Variants in B3GNT2 observed in about 807,000 individuals in gnomAD.
The protein encoded by B3GNT2 is UDP-GlcNAc:betaGal beta-1,3-N-acetylglucosaminyltransferase 2, also known as N-acetyllactosaminide beta-1,3-N-acetylglucosaminyltransferase 2.
B3GNT2 carries 12 observed loss-of-function variants against 27.6 expected under a neutral mutation model. The ratio of observed to expected loss-of-function variants is 0.44; its 90% confidence interval spans 0.28 to 0.71. The LOEUF is 0.71. Ranked by LOEUF, B3GNT2 falls within the 30% of genes least tolerant of loss-of-function variation. The probability of loss-of-function intolerance (pLI) is 0.17; values close to 1 mark genes in which losing one functional copy is unlikely to be tolerated. For missense variants in B3GNT2, 413 were observed against 488.5 expected (o/e 0.85, Z 1.46); for synonymous variants, 192 against 189.7 (o/e 1.01, Z -0.10).
At chr2:62,220,236 G>A (rs1238551548) in intron 1 of B3GNT2, among the ~76,000 whole-genome samples, 2 of 152,220 alleles carry the variant, frequency 1.3e-5, no homozygotes, top group African/African-American at 4.8e-5. Context: ...GGTTAGCTTG[G>A]CCTATGCCCA....
chr2:62,214,087 C>T (rs1201506584), intron 1 of B3GNT2, among the ~76,000 whole-genome samples: 1 of 152,156 alleles, frequency 6.6e-6, no homozygotes, highest in Non-Finnish European at 1.5e-5. Context: ...GGCAGGAAAT[C>T]TCTAAGAGAA....
intron 1 of B3GNT2, among the ~76,000 whole-genome samples, chr2:62,215,146 A>G (rs768141612): frequency 2.0e-5 from 3 of 152,220 alleles, no homozygotes; most frequent in Non-Finnish European, 4.4e-5. Context: ...GCTTTGATCT[A>G]TAATGTTGCC....
At position 62,222,789 on chromosome 2, in the gene B3GNT2, A is replaced by G. The variant is rs1413640779; in HGVS notation, c.569A>G (p.Asn190Ser). 2 of 1,614,192 alleles carry G rather than the reference A, an allele frequency of 1.2e-6. No homozygotes were observed. Among genetic ancestry groups the G allele is most frequent in the Admixed American group, 3.3e-5 (2 of 60,022 alleles). Residue 190 changes from asparagine (N) to serine (S), a missense_variant, in exon 2 of 2, where the codon AAC becomes AGC. Asn to Ser is a conservative substitution (Grantham distance 46, BLOSUM62 1). Coordinates refer to ENST00000301998, the MANE Select transcript of B3GNT2 (RefSeq NM_006577.6). This position sits in a 1 kb window ranked among gnomAD's most constrained non-coding sequence, Gnocchi z 4.2. Reference protein sequence around the residue: ...FLLGQTPPEDNHPDLSDMLKF... With the variant: ...FLLGQTPPEDSHPDLSDMLKF... ...CTGGGCCAGACACCCCCAGAGGACA[A>G]CCACCCCGACCTTTCAGATATGCTG...
intron 1 of B3GNT2, among the ~76,000 whole-genome samples, chr2:62,204,271 C>T (rs753226605): frequency 6.7e-6 from 1 of 149,044 alleles, no homozygotes; most frequent in African/African-American, 2.5e-5. Flanking sequence ...GGTGATCCAC[C>T]TGCCTTGGCC....
intron 1 of B3GNT2, among the ~76,000 whole-genome samples, chr2:62,206,180 C>G (rs1367493151): frequency 6.6e-6 from 1 of 152,108 alleles, no homozygotes; most frequent in East Asian, 1.9e-4. Context: ...GGTGGCCTGC[C>G]TGGATCAAGG....
chr2:62,213,140 G>C (rs11890508), intron 1 of B3GNT2, among the ~76,000 whole-genome samples: 3,498 of 152,194 alleles, frequency 0.023, 96 homozygotes, highest in African/African-American at 0.066. Context: ...AGGAGACCTC[G>C]TCTCTACAAA....
chr2:62,207,225 G>A (rs1674392370), intron 1 of B3GNT2, among the ~76,000 whole-genome samples: 1 of 151,952 alleles, frequency 6.6e-6, no homozygotes, highest in African/African-American at 2.4e-5. Context: ...TGTCGCTCAG[G>A]TTGGAGTGCC....
At position 62,203,326 on chromosome 2, in the gene B3GNT2, C is replaced by T. The variant is rs192075404; in HGVS notation, c.-10+6971C>T. 2.0e-3 allele frequency among the ~76,000 whole-genome samples: 298 copies of T among 152,172 alleles called. 5 individuals are homozygous for T. Among genetic ancestry groups the T allele is most frequent in the Admixed American group, 0.014 (220 of 15,282 alleles). On this transcript the variant is annotated intron_variant, in intron 1 of 1. Transcript: ENST00000301998. Reference sequence around the variant, plus strand: ...AACTAAGGGAGGTTAGGAGAAGGGCCATGACACAGGTATATTGGGGCATTT... The same window carrying T: ...AACTAAGGGAGGTTAGGAGAAGGGCTATGACACAGGTATATTGGGGCATTT...
intron 1 of B3GNT2, among the ~76,000 whole-genome samples, chr2:62,214,482 C>T (rs1271444251): frequency 6.6e-6 from 1 of 152,056 alleles, no homozygotes; most frequent in Non-Finnish European, 1.5e-5. Flanking sequence ...CACAGAGGCC[C>T]GAGGAAGAGG....
chr2:62,209,577 A>C (rs568956595), intron 1 of B3GNT2, among the ~76,000 whole-genome samples: 55 of 152,174 alleles, frequency 3.6e-4, no homozygotes, highest in Non-Finnish European at 7.4e-4. Flanking sequence ...CCAGGAATTC[A>C]AGACCAGATG....
At chr2:62,212,790 C>CTGTTTGGTT (rs1674504038) in intron 1 of B3GNT2, among the ~76,000 whole-genome samples, 1 of 152,064 alleles carries the variant, frequency 6.6e-6, no homozygotes, top group African/African-American at 2.4e-5. Flanking sequence ...TTATAGTTTA[C>CTGTTTGGTT]TCAAGTGTCA....
intron 1 of B3GNT2, among the ~76,000 whole-genome samples, chr2:62,214,160 A>G (rs1043172348): frequency 9.9e-5 from 15 of 152,194 alleles, no homozygotes; most frequent in Admixed American, 5.9e-4. Flanking sequence ...CTAGAAAACA[A>G]CAGACACATA....
intron 1 of B3GNT2, among the ~76,000 whole-genome samples, chr2:62,198,983 C>T (rs74933615): frequency 3.9e-5 from 6 of 152,106 alleles, no homozygotes; most frequent in Non-Finnish European, 8.8e-5. Context: ...CTCTCCCGCC[C>T]AGGCTGGAGT....
At chr2:62,196,833 C>T (rs959114287) in intron 1 of B3GNT2, among the ~76,000 whole-genome samples, 3 of 151,968 alleles carry the variant, frequency 2.0e-5, no homozygotes, top group Admixed American at 1.3e-4. Context: ...GCGCGTGATT[C>T]CTCGCTCGCA....
chr2:62,210,232 T>C (rs907605515), intron 1 of B3GNT2, among the ~76,000 whole-genome samples: 1 of 152,198 alleles, frequency 6.6e-6, no homozygotes, highest in South Asian at 2.1e-4. Context: ...TGGTAGAAAG[T>C]ATAAGAGCTT....
chr2:62,211,182 C>G (rs1470191559), intron 1 of B3GNT2, among the ~76,000 whole-genome samples: 2 of 152,104 alleles, frequency 1.3e-5, no homozygotes, highest in Non-Finnish European at 1.5e-5. Context: ...ATGGCAAAAC[C>G]CTGTCTCCAC....
Position 62,223,028 on chromosome 2 carries a change from C to T in B3GNT2, c.808C>T (p.Leu270Phe). The T allele has an allele frequency of 6.2e-7, 1 of 1,614,228 alleles. No individual in the cohort carries two copies. The highest frequency in any genetic ancestry group is 8.5e-7 in the Non-Finnish European group (1 of 1,180,048). The change falls in exon 2 of 2, where the codon CTC (leucine) becomes TTC (phenylalanine). Residue 270 changes from leucine (L) to phenylalanine (F), a missense_variant. Leu to Phe is a conservative substitution (Grantham distance 22). Coordinates refer to ENST00000301998, the MANE Select transcript of B3GNT2 (RefSeq NM_006577.6). ...TTTATCCAAGACCAAAGCCAAAGAT[C>T]TCTTCATAGGTGATGTGATCCACAA... Reference protein sequence around the residue: ...NSLSKTKAKDLFIGDVIHNAG... With the variant: ...NSLSKTKAKDFFIGDVIHNAG...
intron 1 of B3GNT2, among the ~76,000 whole-genome samples, chr2:62,219,526 C>T (rs181318674): frequency 6.6e-5 from 10 of 152,266 alleles, no homozygotes; most frequent in South Asian, 2.1e-4. Context: ...CTGCCCACCT[C>T]GGCCTACCAA....
At chr2:62,198,655 A>G (rs1674201539) in intron 1 of B3GNT2, among the ~76,000 whole-genome samples, 1 of 152,210 alleles carries the variant, frequency 6.6e-6, no homozygotes, top group Non-Finnish European at 1.5e-5. Context: ...GGCTGAATAT[A>G]TGAAGGTTTG....
Sources: allele counts gnomAD v4.1 joint callset (sites outside exome capture counted in the v4.1 genomes callset), GRCh38; gene constraint gnomAD v4.1.1; non-coding constraint Gnocchi (gnomAD v3.1); transcripts MANE v1.5; gene names NCBI Gene and HGNC (gene_info 2026-07-23, HGNC 2026-07-21).